DDAH1: variants seen among roughly 807,000 people sequenced by gnomAD.
The protein encoded by DDAH1 is dimethylarginine dimethylaminohydrolase 1.
DDAH1 carries 19 observed loss-of-function variants against 28.8 expected under a neutral mutation model. The ratio of observed to expected loss-of-function variants is 0.66; its 90% CI spans 0.46 to 0.97. The LOEUF is 0.97. DDAH1 is among the 50% of genes least tolerant of loss of function. The pLI is 0.00. For synonymous variants in DDAH1, 153 were observed against 154.4 expected, an observed-to-expected ratio of 0.99 and a Z score of 0.07; for missense variants, 326 against 375.9, an observed-to-expected ratio of 0.87 and a Z score of 1.10.
chr1:85,481,941 G>A (rs867952683), intron 2 of DDAH1, among the ~76,000 whole-genome samples: 5 of 152,184 alleles, frequency 3.3e-5, no homozygotes, highest in Non-Finnish European at 5.9e-5. Flanking sequence ...TCTGCTCACT[G>A]GTTTGTGTTG....
At chr1:85,339,008 T>C (rs187548344) in intron 4 of DDAH1, among the ~76,000 whole-genome samples, 1 of 150,270 alleles carries the variant, frequency 6.7e-6, no homozygotes, top group Admixed American at 6.6e-5. Context: ...GATCGTGCCA[T>C]TGTACTCCAG....
At chr1:85,501,053 T>C (rs1461882790) in intron 1 of DDAH1, among the ~76,000 whole-genome samples, 3 of 152,194 alleles carry the variant, frequency 2.0e-5, no homozygotes, top group African/African-American at 7.2e-5. Flanking sequence ...ATATCTGCTA[T>C]CTCTGAGTAT....
chr1:85,411,759 C>G (rs1652664113), intron 1 of DDAH1, among the ~76,000 whole-genome samples: 1 of 152,140 alleles, frequency 6.6e-6, no homozygotes, highest in Non-Finnish European at 1.5e-5. Flanking sequence ...CTGAGGCTCC[C>G]CATGGGGACT....
intron 1 of DDAH1, among the ~76,000 whole-genome samples, chr1:85,536,320 G>A (rs1469173413): frequency 1.3e-5 from 2 of 151,878 alleles, no homozygotes; most frequent in Non-Finnish European, 1.5e-5. Context: ...TTTGGGAGGT[G>A]GAGGTGGGTG....
intron 1 of DDAH1, among the ~76,000 whole-genome samples, chr1:85,400,232 C>T (rs941852325): frequency 2.8e-5 from 2 of 70,548 alleles, no homozygotes; most frequent in African/African-American, 5.9e-5. Context: ...AATCTGTTGC[C>T]CAGGCTGGAA....
chr1:85,521,348 C>A (rs1657679494), intron 1 of DDAH1, among the ~76,000 whole-genome samples: 1 of 151,646 alleles, frequency 6.6e-6, no homozygotes, highest in African/African-American at 2.4e-5. Context: ...GCCCTCCACA[C>A]CCTGATTCTT....
At chr1:85,537,718 A>C (rs1385285336) in intron 1 of DDAH1, among the ~76,000 whole-genome samples, 1 of 151,146 alleles carries the variant, frequency 6.6e-6, no homozygotes, top group African/African-American at 2.4e-5. Context: ...TTAGAGAATT[A>C]GGGAAGCTTC....
chr1:85,431,934 C>G (rs1440956173), intron 1 of DDAH1, among the ~76,000 whole-genome samples: 1 of 152,178 alleles, frequency 6.6e-6, no homozygotes, highest in African/African-American at 2.4e-5. Context: ...ACCTCAGGCA[C>G]CTGATCTATG....
At chr1:85,486,418 T>TAA (rs1656206061) in intron 2 of DDAH1, among the ~76,000 whole-genome samples, 1 of 152,166 alleles carries the variant, frequency 6.6e-6, no homozygotes. Flanking sequence ...ATTCAGCTCT[T>TAA]ACAAGTCAAT....
chr1:85,528,441 A>C (rs1657947110), intron 1 of DDAH1, among the ~76,000 whole-genome samples: 1 of 151,924 alleles, frequency 6.6e-6, no homozygotes, highest in Non-Finnish European at 1.5e-5. Flanking sequence ...TAGGGCAATA[A>C]TATGGGTATG....
chr1:85,573,487 C>T (rs1053718986), intron 1 of DDAH1, among the ~76,000 whole-genome samples: 4 of 152,172 alleles, frequency 2.6e-5, no homozygotes, highest in Admixed American at 6.5e-5. Flanking sequence ...AGGTGCCTTC[C>T]AGTCCTTTCC....
chr1:85,335,182 G>A (rs1648028394), intron 4 of DDAH1, among the ~76,000 whole-genome samples: 1 of 152,074 alleles, frequency 6.6e-6, no homozygotes, highest in Non-Finnish European at 1.5e-5. Context: ...AAACCACAAT[G>A]ATAAACAGTA....
At chr1:85,527,906 C>G (rs1243124473) in intron 1 of DDAH1, among the ~76,000 whole-genome samples, 2 of 152,074 alleles carry the variant, frequency 1.3e-5, no homozygotes, top group Non-Finnish European at 2.9e-5. Context: ...TGTCTGTATG[C>G]ATGTACGTAT....
At chr1:85,393,582 T>C (rs35193119) in intron 1 of DDAH1, among the ~76,000 whole-genome samples, 23,872 of 152,270 alleles carry the variant, frequency 0.16, 2,269 homozygotes, top group Admixed American at 0.22. Context: ...TTCTAAGGGC[T>C]TCTCTTTCTT....
chr1:85,539,511 C>T (rs1658404541), intron 1 of DDAH1, among the ~76,000 whole-genome samples: 1 of 151,982 alleles, frequency 6.6e-6, no homozygotes. Flanking sequence ...TTTCCCAGAT[C>T]AAACATATCC....
chr1:85,371,374 T>A (rs557291295), intron 1 of DDAH1, among the ~76,000 whole-genome samples: 5 of 152,254 alleles, frequency 3.3e-5, no homozygotes, highest in African/African-American at 4.8e-5. Context: ...GTCTGAAGCC[T>A]CACTACTTGG....
At chr1:85,510,320 G>A (rs552211857) in intron 1 of DDAH1, among the ~76,000 whole-genome samples, 1 of 152,260 alleles carries the variant, frequency 6.6e-6, no homozygotes, top group Non-Finnish European at 1.5e-5. Context: ...GTCACAACCA[G>A]GCTTGCCTTA....
intron 1 of DDAH1, among the ~76,000 whole-genome samples, chr1:85,548,963 G>A (rs1194870728): frequency 1.3e-5 from 2 of 152,050 alleles, no homozygotes; most frequent in Non-Finnish European, 2.9e-5. Flanking sequence ...GAAAATATCT[G>A]GGCATCGAAC....
intron 2 of DDAH1, among the ~76,000 whole-genome samples, chr1:85,356,352 C>G (rs1649486458): frequency 6.6e-6 from 1 of 152,236 alleles, no homozygotes; most frequent in African/African-American, 2.4e-5. Flanking sequence ...CTGTCCATTT[C>G]CTGATAAATT....
Sources: allele counts gnomAD v4.1 joint callset (sites outside exome capture counted in the v4.1 genomes callset), GRCh38; gene constraint gnomAD v4.1.1; transcripts MANE v1.5; gene names NCBI Gene and HGNC (gene_info 2026-07-23, HGNC 2026-07-21).